Variants in RANBP2 observed in about 807,000 individuals in gnomAD.
RANBP2 encodes the protein RAN binding protein 2.
Under a neutral mutation model 303.6 loss-of-function variants are expected in RANBP2, and 57 were observed. The ratio of observed to expected loss-of-function variants is 0.19; its 90% CI spans 0.15 to 0.23. RANBP2 has a LOEUF of 0.23. Ranked by LOEUF, RANBP2 falls within the 10% of genes least tolerant of loss-of-function variation. The pLI is 1.00. For synonymous variants in RANBP2, 1,167 were observed against 1,301.5 expected, an observed-to-expected ratio of 0.90 and a Z score of 2.23; for missense variants, 3,138 against 3,780.8, an observed-to-expected ratio of 0.83 and a Z score of 4.46.
chr2:109,454,939 C>T, the RANBP2 span, among the ~76,000 whole-genome samples: 1 of 151,992 alleles, frequency 6.6e-6, no homozygotes, highest in East Asian at 1.9e-4. Flanking sequence ...AAAAAGTTAA[C>T]TCTCTCTTTA....
At chr2:109,318,415 T>G in the RANBP2 span, among the ~76,000 whole-genome samples, 5 of 152,208 alleles carry the variant, frequency 3.3e-5, no homozygotes, top group African/African-American at 1.2e-4. Flanking sequence ...GCCAGAAGAT[T>G]AGGAGGGAAT....
At chr2:108,873,160 A>C in the RANBP2 span, among the ~76,000 whole-genome samples, 13,419 of 152,184 alleles carry the variant, frequency 0.088, 813 homozygotes, top group African/African-American at 0.16. Flanking sequence ...TTACGAACTT[A>C]CTGAAGAAAT....
At chr2:109,160,185 C>T in the RANBP2 span, among the ~76,000 whole-genome samples, 2 of 152,124 alleles carry the variant, frequency 1.3e-5, no homozygotes, top group African/African-American at 2.4e-5. Context: ...CACTCTCTGC[C>T]CTCAGGAAGC....
chr2:109,246,349 C>A, the RANBP2 span, among the ~76,000 whole-genome samples: 1 of 152,134 alleles, frequency 6.6e-6, no homozygotes, highest in Non-Finnish European at 1.5e-5. Flanking sequence ...CTGTGTCCTC[C>A]CATGGTAGAG....
the RANBP2 span, among the ~76,000 whole-genome samples, chr2:109,571,353 T>C: frequency 6.6e-6 from 1 of 152,182 alleles, no homozygotes; most frequent in Non-Finnish European, 1.5e-5. Context: ...TGCGTGAACA[T>C]CACAGAGTAT....
the RANBP2 span, among the ~76,000 whole-genome samples, chr2:109,269,549 G>GTCT: frequency 6.4e-4 from 97 of 152,310 alleles, no homozygotes; most frequent in African/African-American, 2.2e-3. Context: ...GGGAGGCCAA[G>GTCT]TCTGGTGGAT....
chr2:108,830,783 G>A, the RANBP2 span, among the ~76,000 whole-genome samples: 1 of 151,982 alleles, frequency 6.6e-6, no homozygotes, highest in Non-Finnish European at 1.5e-5. Flanking sequence ...ACTCCAGCCT[G>A]GGCAACAAGA....
chr2:109,698,800 A>C, the RANBP2 span, among the ~76,000 whole-genome samples: 1 of 151,558 alleles, frequency 6.6e-6, no homozygotes, highest in African/African-American at 2.4e-5. Flanking sequence ...GGTGGCACGC[A>C]CTTGTAGTCC....
At chr2:108,827,207 A>C in the RANBP2 span, among the ~76,000 whole-genome samples, 1 of 152,222 alleles carries the variant, frequency 6.6e-6, no homozygotes, top group Admixed American at 6.5e-5. Flanking sequence ...TAAAATAATA[A>C]TGTAAAGGAA....
At chr2:109,365,913 C>T in the RANBP2 span, among the ~76,000 whole-genome samples, 3 of 152,040 alleles carry the variant, frequency 2.0e-5, no homozygotes, top group East Asian at 1.9e-4. Flanking sequence ...GGTTTTTCAA[C>T]ATTTAAAAAA....
chr2:108,963,061 GTCAC>G, the RANBP2 span, among the ~76,000 whole-genome samples: 1 of 152,122 alleles, frequency 6.6e-6, no homozygotes, highest in Non-Finnish European at 1.5e-5. Flanking sequence ...GTCACTGAAG[GTCAC>G]TCACTGTCAC....
the RANBP2 span, chr2:109,129,051 G>T: frequency 2.5e-6 from 1 of 393,720 alleles, no homozygotes; most frequent in Non-Finnish European, 5.0e-6. Context: ...CTAGCGAGCA[G>T]GCCAGGGGCG....
chr2:108,945,940 GCTT>G, the RANBP2 span, among the ~76,000 whole-genome samples: 1 of 152,200 alleles, frequency 6.6e-6, no homozygotes, highest in Non-Finnish European at 1.5e-5. Flanking sequence ...TCTATCCTAT[GCTT>G]CCATTTGACC....
chr2:109,092,281 C>A, the RANBP2 span, among the ~76,000 whole-genome samples: 1 of 152,156 alleles, frequency 6.6e-6, no homozygotes, highest in Non-Finnish European at 1.5e-5. Flanking sequence ...GGGTGACTAT[C>A]TGCTCTTTGC....
intron 4 of RANBP2, 74 bp from the exon 5 acceptor site, chr2:108,735,458 C>G (rs826579): frequency 0.24 from 383,011 of 1,596,686 alleles, 47,806 homozygotes; most frequent in African/African-American, 0.36. Context: ...TGGAATGGTG[C>G]TCTTTGGGAG....
the RANBP2 span, among the ~76,000 whole-genome samples, chr2:108,924,413 A>G: frequency 6.6e-6 from 1 of 152,174 alleles, no homozygotes; most frequent in African/African-American, 2.4e-5. Context: ...CCATAAACAA[A>G]TGCTCAGCGG....
the RANBP2 span, chr2:109,553,085 G>C: frequency 6.2e-7 from 1 of 1,611,296 alleles, no homozygotes; most frequent in South Asian, 1.1e-5. Flanking sequence ...CAGCATACTT[G>C]CCTCTCTCTC....
At chr2:109,045,618 C>T in the RANBP2 span, among the ~76,000 whole-genome samples, 1 of 152,180 alleles carries the variant, frequency 6.6e-6, no homozygotes, top group African/African-American at 2.4e-5. Flanking sequence ...ACTCAAGACT[C>T]AGCTCATCTG....
chr2:109,282,957 G>T, the RANBP2 span, among the ~76,000 whole-genome samples: 32 of 152,250 alleles, frequency 2.1e-4, no homozygotes, highest in African/African-American at 6.5e-4. Flanking sequence ...GGGCTGGCTT[G>T]TTACTCTCCC....
Sources: gnomAD v4.1 joint callset for allele counts (sites outside exome capture counted in the v4.1 genomes callset) on GRCh38, gnomAD v4.1.1 for gene constraint, MANE v1.5 for transcripts, NCBI Gene and HGNC (gene_info 2026-07-23, HGNC 2026-07-21) for gene names.